Variants in LRP1B observed in about 807,000 individuals in gnomAD.
The protein encoded by LRP1B is LDL receptor related protein 1B.
A neutral mutation model predicts 556.6 loss-of-function variants in LRP1B; 217 were observed. The observed-to-expected ratio is 0.39, with a 90% CI of 0.35 to 0.44. The LOEUF is 0.44. Ranked by LOEUF, LRP1B falls within the 20% of genes least tolerant of loss-of-function variation. The pLI is 1.00. For synonymous variants in LRP1B, 2,047 were observed against 1,865.8 expected, an observed-to-expected ratio of 1.10 and a Z score of -2.50; for missense variants, 5,053 against 5,620.8, an observed-to-expected ratio of 0.90 and a Z score of 3.23.
At chr2:141,901,148 A>G (rs1394008476) in intron 1 of LRP1B, among the ~76,000 whole-genome samples, 1 of 152,084 alleles carries the variant, frequency 6.6e-6, no homozygotes, top group African/African-American at 2.4e-5. Context: ...GGCTTACAGG[A>G]CAAATGCACT....
At chr2:142,080,641 T>C (rs372373976) in intron 1 of LRP1B, among the ~76,000 whole-genome samples, 1 of 152,208 alleles carries the variant, frequency 6.6e-6, no homozygotes, top group African/African-American at 2.4e-5. Flanking sequence ...GTGTTTCCTC[T>C]GCAATAGCAA....
At chr2:140,591,715 G>A (rs1159355020) in intron 43 of LRP1B, among the ~76,000 whole-genome samples, 1 of 152,146 alleles carries the variant, frequency 6.6e-6, no homozygotes, top group African/African-American at 2.4e-5. Context: ...GATTTCAAAT[G>A]TCCTACAAGA....
At chr2:141,241,453 G>T (rs893672608) in intron 5 of LRP1B, among the ~76,000 whole-genome samples, 1 of 151,970 alleles carries the variant, frequency 6.6e-6, no homozygotes, top group Non-Finnish European at 1.5e-5. Context: ...TGGTGGAGAG[G>T]ACACACTTAT....
At chr2:140,331,571 A>G (rs905124697) in intron 79 of LRP1B, among the ~76,000 whole-genome samples, 1 of 151,816 alleles carries the variant, frequency 6.6e-6, no homozygotes, top group Non-Finnish European at 1.5e-5. Flanking sequence ...TACATGTGCC[A>G]TGATTCCTGA....
chr2:141,302,713 A>T (rs542024974), intron 3 of LRP1B, among the ~76,000 whole-genome samples: 1 of 152,234 alleles, frequency 6.6e-6, no homozygotes, highest in African/African-American at 2.4e-5. Context: ...TGTTTCATAA[A>T]AAACAAATAA....
chr2:140,514,603 G>A lies in LRP1B; in HGVS notation c.8269+50C>T, dbSNP rs770727454. On this transcript the variant is annotated intron_variant, in intron 51 of 90. Coordinates refer to ENST00000389484, the MANE Select transcript of LRP1B (RefSeq NM_018557.3). ...TTTGTGTATGCTATAAAATGATAGA[G>A]CATATATAATGCTTAAAAACTGATT... 50 of 1,543,616 alleles carry A rather than the reference G, an allele frequency of 3.2e-5. No homozygotes were observed. The East Asian group carries it at 5.7e-4, about 18-fold the overall frequency.
chr2:141,888,910 G>A (rs1202521928), intron 1 of LRP1B, among the ~76,000 whole-genome samples: 1 of 152,078 alleles, frequency 6.6e-6, no homozygotes, highest in East Asian at 1.9e-4. Context: ...AACCAGCCAG[G>A]GATATTTTCT....
chr2:141,275,321 G>A (rs1410536413), intron 3 of LRP1B, among the ~76,000 whole-genome samples: 1 of 152,192 alleles, frequency 6.6e-6, no homozygotes, highest in African/African-American at 2.4e-5. Context: ...ACATCTGTGT[G>A]GTAGGCAGAG....
chr2:140,954,126 C>G (rs1366742221), intron 18 of LRP1B, among the ~76,000 whole-genome samples: 2 of 152,196 alleles, frequency 1.3e-5, no homozygotes, highest in African/African-American at 2.4e-5. Context: ...ATGTCAGCCA[C>G]TCCTTCGTAA....
chr2:140,946,502 G>A (rs1695551840), intron 20 of LRP1B, among the ~76,000 whole-genome samples: 1 of 152,068 alleles, frequency 6.6e-6, no homozygotes, highest in African/African-American at 2.4e-5. Flanking sequence ...TTGGGAGGCT[G>A]AGGCATGAGA....
chr2:142,051,383 T>C (rs1574634102), intron 1 of LRP1B, among the ~76,000 whole-genome samples: 1 of 151,900 alleles, frequency 6.6e-6, no homozygotes, highest in African/African-American at 2.4e-5. Context: ...TATACCTTTG[T>C]AGGATGTTCA....
Position 141,613,320 on chromosome 2 carries a change from C to G in LRP1B, c.206-132787G>C, listed in dbSNP as rs112742020. Among the ~76,000 whole-genome samples the G allele has an allele frequency of 2.4e-3, 362 of 152,254 alleles. 1 individual carries two copies. The highest frequency in any genetic ancestry group is 8.5e-3 in the African/African-American group (353 of 41,528). ...ACAGCAGCCAGTATTACTGGGACCTCTAGAAAGTGACCACGAAATGACCCA... is the reference window on the plus strand; with the variant it reads ...ACAGCAGCCAGTATTACTGGGACCTGTAGAAAGTGACCACGAAATGACCCA... On this transcript the variant is annotated intron_variant, in intron 2 of 90. Coordinates refer to ENST00000389484, the MANE Select transcript of LRP1B (RefSeq NM_018557.3).
intron 2 of LRP1B, among the ~76,000 whole-genome samples, chr2:141,748,957 A>G (rs1179739665): frequency 6.6e-6 from 1 of 152,198 alleles, no homozygotes; most frequent in Non-Finnish European, 1.5e-5. Context: ...GAATAGTCTC[A>G]ATACAGACAT....
intron 3 of LRP1B, among the ~76,000 whole-genome samples, chr2:141,266,206 A>G (rs546571891): frequency 6.6e-6 from 1 of 151,630 alleles, no homozygotes; most frequent in African/African-American, 2.4e-5. Flanking sequence ...CGCCTGTAAA[A>G]CCAGCTATTC....
In LRP1B at chr2:140,501,709, T is replaced by C. The variant is rs773491382; in HGVS notation, c.8828A>G (p.Gln2943Arg). The C allele has an allele frequency of 1.9e-6, 3 of 1,611,122 alleles. No individual in the cohort carries two copies. Among genetic ancestry groups the C allele is most frequent in the Non-Finnish European group, 2.5e-6 (3 of 1,178,320 alleles). ...TACCTTATAACTGACCGGAAGGTCT[T>C]GACAGTCTTGAGAACATCCACTGAC... is the stretch of plus-strand genomic sequence containing the variant. ...KKVSGCSQDC[Q>R]DLPVSYKCKC... The change falls in exon 55 of 91, where the codon CAA (glutamine) becomes CGA (arginine). Residue 2943 changes from glutamine (Q) to arginine (R), a missense_variant. Transcript: ENST00000389484.
At chr2:140,426,492 C>G (rs960243779) in intron 66 of LRP1B, among the ~76,000 whole-genome samples, 1 of 152,084 alleles carries the variant, frequency 6.6e-6, no homozygotes, top group Non-Finnish European at 1.5e-5. Flanking sequence ...CATTCCACCA[C>G]AAAAGAAGTG....
chr2:141,332,274 T>TCATGA (rs1307793791), intron 3 of LRP1B, among the ~76,000 whole-genome samples: 2 of 152,110 alleles, frequency 1.3e-5, no homozygotes, highest in Non-Finnish European at 2.9e-5. Context: ...AATGAGCCTA[T>TCATGA]AACCACCTAG....
intron 27 of LRP1B, among the ~76,000 whole-genome samples, chr2:140,865,417 G>A (rs774443752): frequency 5.3e-5 from 8 of 151,382 alleles, no homozygotes; most frequent in African/African-American, 9.7e-5. Flanking sequence ...ACCAGAATAC[G>A]GGCTATTATT....
At chr2:140,694,297 C>A (rs1218007039) in intron 41 of LRP1B, among the ~76,000 whole-genome samples, 1 of 152,092 alleles carries the variant, frequency 6.6e-6, no homozygotes, top group Non-Finnish European at 1.5e-5. Context: ...AGTGGGAATA[C>A]ATAGATATAT....
Sources: gnomAD v4.1 joint callset for allele counts (sites outside exome capture counted in the v4.1 genomes callset) on GRCh38, gnomAD v4.1.1 for gene constraint, MANE v1.5 for transcripts, NCBI Gene and HGNC (gene_info 2026-07-23, HGNC 2026-07-21) for gene names.